SIN3A: variants seen among roughly 807,000 people sequenced by gnomAD.
SIN3A encodes the protein SIN3 transcription regulator family member A, also known as paired amphipathic helix protein Sin3a.
A neutral mutation model predicts 146.1 loss-of-function variants in SIN3A; 14 were observed. The ratio of observed to expected loss-of-function variants is 0.10; its 90% CI spans 0.06 to 0.15. The LOEUF is 0.15. SIN3A is among the 10% of genes least tolerant of loss of function. SIN3A has a pLI of 1.00. For missense variants in SIN3A, 1,028 were observed against 1,576.0 expected, an observed-to-expected ratio of 0.65 and a Z score of 5.89; for synonymous variants, 572 against 572.0, an observed-to-expected ratio of 1.00 and a Z score of 0.00.
At position 75,430,237 on chromosome 15, in the gene SIN3A, T is replaced by C; in HGVS notation, c.139A>G (p.Thr47Ala). The change falls in exon 2 of 21, where the codon ACC (threonine) becomes GCC (alanine). Residue 47 changes from threonine to alanine, a missense_variant. By Grantham distance (58) the Thr-to-Ala change is moderately conservative. Coordinates refer to ENST00000394947, the MANE Select transcript of SIN3A (RefSeq NM_001145358.2). ...TGAATTCCCGTAGCTGACTGCATGGTCTCAGACACTGCTTCATACACAGGA... is the reference window on the plus strand; with the variant it reads ...TGAATTCCCGTAGCTGACTGCATGGCCTCAGACACTGCTTCATACACAGGA... ...APPVYEAVSE[T>A]MQSATGIQYS... 2 of 1,614,148 alleles carry C rather than the reference T, an allele frequency of 1.2e-6. No individual in the cohort carries two copies. Among genetic ancestry groups the C allele is most frequent in the South Asian group, 1.1e-5 (1 of 91,080 alleles).
Position 75,412,847 on chromosome 15 carries a change from G to A in SIN3A, c.672C>T (p.Pro224=), listed in dbSNP as rs374573196. 6.2e-7 allele frequency: 1 copy of A among 1,613,242 alleles called. No individual in the cohort carries two copies. The highest frequency in any genetic ancestry group is 8.5e-7 in the Non-Finnish European group (1 of 1,179,500). ...GGGCTGAAGGCTGGGAAGGATGTTG[G>A]GGTGGTGGTTGAGGCTGTGGCTGGA... The part of the protein sequence containing the change: ...HGIQPQPQPP[P]QHPSQPSAQS... Residue 224 remains proline, a synonymous_variant, in exon 5 of 21, where the codon CCC becomes CCT. Coordinates refer to ENST00000394947, the MANE Select transcript of SIN3A (RefSeq NM_001145358.2).
At chr15:75,377,274 G>A (rs2072879740) in intron 19 of SIN3A, among the ~76,000 whole-genome samples, 1 of 152,034 alleles carries the variant, frequency 6.6e-6, no homozygotes, top group South Asian at 2.1e-4. Context: ...TCAAGTCTTT[G>A]AACTTCACAC....
chr15:75,410,608 A>G (rs778951265), intron 6 of SIN3A, among the ~76,000 whole-genome samples: 18 of 151,964 alleles, frequency 1.2e-4, no homozygotes, highest in African/African-American at 4.3e-4. Context: ...GGCCTAGGGC[A>G]ATAAATATTA....
At position 75,450,991 on chromosome 15, in the gene SIN3A, G is replaced by T. The variant is rs544256750; in HGVS notation, c.-34+432C>A. On this transcript the variant is annotated intron_variant, in intron 1 of 20. Transcript: ENST00000394947. ...AGACTTCACGCCCCCTCCCTGCCGC[G>T]CCCTGAATCTACACGCGGGAGACCC... 1.5e-3 allele frequency among the ~76,000 whole-genome samples: 220 copies of T among 149,682 alleles called. 1 individual carries two copies. The highest frequency in any genetic ancestry group is 5.2e-3 in the African/African-American group (211 of 40,664).
In SIN3A at chr15:75,371,940, C is replaced by G. The variant is rs760381385; in HGVS notation, c.*39G>C. ...TGAGTGCATAGGCCCACACACACAT[C>G]CCCACACACACCCCAAGTTATCTGC... On this transcript the variant is annotated 3_prime_UTR_variant, in exon 21 of 21. Transcript: ENST00000394947. 1.3e-6 allele frequency: 2 copies of G among 1,567,222 alleles called. No individual in the cohort carries two copies. The highest frequency in any genetic ancestry group is 2.2e-5 in the South Asian group (2 of 89,742).
chr15:75,437,618 C>G (rs1397637157), intron 1 of SIN3A, among the ~76,000 whole-genome samples: 1 of 152,120 alleles, frequency 6.6e-6, no homozygotes, highest in African/African-American at 2.4e-5. Flanking sequence ...TAAAACCACG[C>G]TTGCAGAGGG....
intron 18 of SIN3A, chr15:75,381,086 T>TAAAA (rs11342034): frequency 4.5e-5 from 5 of 111,474 alleles, no homozygotes; most frequent in Non-Finnish European, 7.2e-5. Flanking sequence ...TGACATCGCT[T>TAAAA]AAAAAAAAAA....
At chr15:75,434,723 T>C (rs991573248) in intron 1 of SIN3A, among the ~76,000 whole-genome samples, 4 of 148,868 alleles carry the variant, frequency 2.7e-5, no homozygotes, top group African/African-American at 1.0e-4. Flanking sequence ...CCGAGGCGAG[T>C]GGATCACCTG....
intron 18 of SIN3A, 21 bp from the exon 19 acceptor site, chr15:75,380,744 T>C: frequency 1.9e-6 from 3 of 1,582,472 alleles, no homozygotes; most frequent in Non-Finnish European, 2.6e-6. Context: ...AAACACAAAA[T>C]ACAGGTGGAA....
Position 75,414,283 on chromosome 15 carries a change from TG to T in SIN3A, c.394del (p.Gln132ArgfsTer2). On this transcript the variant is annotated frameshift_variant, in exon 4 of 21. Coordinates refer to ENST00000394947, the MANE Select transcript of SIN3A (RefSeq NM_001145358.2). LOFTEE classifies it high-confidence loss of function. Reference sequence around the variant, plus strand: ...CTGACTACCAAACTGCAGCTTCACCTGGTCAAGATAAGATAGCGCATCCTCC... The same window carrying T: ...CTGACTACCAAACTGCAGCTTCACCTGTCAAGATAAGATAGCGCATCCTCC... ...KVEDALSYLD[Q>X]VKLQFGSQPQ... is the part of the protein sequence containing the mutation. The T allele has an allele frequency of 6.4e-7, 1 of 1,553,992 alleles. No homozygotes were observed. The highest frequency in any genetic ancestry group is 8.8e-7 in the Non-Finnish European group (1 of 1,141,374).
chr15:75,375,933 C>T (rs2072847174), intron 19 of SIN3A, 61 bp from the exon 20 acceptor site: 1 of 1,534,972 alleles, frequency 6.5e-7, no homozygotes, highest in African/African-American at 1.4e-5. Context: ...CGTGACTTCC[C>T]CAAAGTGAGT....
chr15:75,449,175 C>T (rs1445637225), intron 1 of SIN3A, among the ~76,000 whole-genome samples: 1 of 152,168 alleles, frequency 6.6e-6, no homozygotes, highest in Non-Finnish European at 1.5e-5. Context: ...TTTATGGCAT[C>T]AGAAAAAACC....
rs541800078 is a variant in SIN3A at position 75,439,132 on chromosome 15, G to A, written c.-33-8724C>T. Among the ~76,000 whole-genome samples the A allele has an allele frequency of 1.3e-5, 2 of 152,214 alleles. 1 individual carries two copies. Among genetic ancestry groups the A allele is most frequent in the South Asian group, 4.2e-4 (2 of 4,814 alleles). On this transcript the variant is annotated intron_variant, in intron 1 of 20. Coordinates refer to ENST00000394947, the MANE Select transcript of SIN3A (RefSeq NM_001145358.2). ...CTAGGGGAGATTCTGCCTCCCAAGG[G>A]CACATGTAGTAATGATGGAAGACAT...
chr15:75,447,764 T>G (rs1472362497), intron 1 of SIN3A: 1 of 151,868 alleles, frequency 6.6e-6, no homozygotes. Flanking sequence ...CCAAGAAGAC[T>G]CATGAAGGGT....
chr15:75,442,120 CAAAAAAAAAAAAAA>C (rs57418865), intron 1 of SIN3A, among the ~76,000 whole-genome samples: 19 of 29,278 alleles, frequency 6.5e-4, no homozygotes, highest in South Asian at 5.4e-3. Context: ...GACTCTGTCT[CAAAAAAAAAAAAAA>C]AAAAAAAAAA....
At chr15:75,376,136 C>T in intron 19 of SIN3A, 1 of 522,068 alleles carries the variant, frequency 1.9e-6, no homozygotes. Flanking sequence ...TTCTAGGCCT[C>T]TGTCTGTAAA....
At chr15:75,409,012 TG>T (rs2073574197) in intron 8 of SIN3A, among the ~76,000 whole-genome samples, 2 of 152,118 alleles carry the variant, frequency 1.3e-5, no homozygotes, top group African/African-American at 4.8e-5. Context: ...AAGACCAGCC[TG>T]GCCAACATGG....
In SIN3A at chr15:75,392,745, T is replaced by C. The variant is rs1056597693; in HGVS notation, c.2348A>G (p.Asp783Gly). 5 of 1,614,188 alleles carry C rather than the reference T, an allele frequency of 3.1e-6. No homozygotes were observed. Among genetic ancestry groups the C allele is most frequent in the Admixed American group, 1.7e-5 (1 of 60,022 alleles). ...VGPHLSLAYE[D>G]KQILEDAAAL... ...AGCAGCATCTTCCAGTATTTGTTTG[T>C]CTTCATACGCAAGTGAGAGGTGTGG... Residue 783 changes from aspartate (D) to glycine (G), a missense_variant, in exon 15 of 21, where the codon GAC becomes GGC. Coordinates refer to ENST00000394947, the MANE Select transcript of SIN3A (RefSeq NM_001145358.2).
intron 9 of SIN3A, among the ~76,000 whole-genome samples, chr15:75,403,274 A>G (rs893762288): frequency 2.6e-5 from 4 of 151,588 alleles, no homozygotes; most frequent in Admixed American, 2.6e-4. Flanking sequence ...AAAAAAATAC[A>G]AAAAAATTAG....
Sources: gnomAD v4.1 joint callset for allele counts (sites outside exome capture counted in the v4.1 genomes callset) on GRCh38, gnomAD v4.1.1 for gene constraint, MANE v1.5 for transcripts, NCBI Gene and HGNC (gene_info 2026-07-23, HGNC 2026-07-21) for gene names.